The following NELFCD variants were observed in gnomAD, a reference collection of about 807,000 sequenced individuals.
The protein encoded by NELFCD is negative elongation factor complex member C/D.
A neutral mutation model predicts 72.9 loss-of-function variants in NELFCD; 48 were observed. The ratio of observed to expected loss-of-function variants is 0.66; its 90% CI spans 0.52 to 0.84. The LOEUF is 0.84. Ranked by LOEUF, NELFCD falls within the 40% of genes least tolerant of loss-of-function variation. The pLI is 0.00. For synonymous variants in NELFCD, 297 were observed against 280.6 expected (o/e 1.06, Z -0.59); for missense variants, 538 against 723.8 (o/e 0.74, Z 2.94).
At chr20:58,992,140 T>C in intron 10 of NELFCD, 120 bp downstream of exon 10, 1 of 1,142,372 alleles carries the variant, frequency 8.8e-7, no homozygotes, top group Non-Finnish European at 1.2e-6. Flanking sequence ...TATTTATTTT[T>C]TCATTTTTAA....
chr20:58,984,185 G>T (rs1309824313), intron 1 of NELFCD, among the ~76,000 whole-genome samples: 2 of 152,178 alleles, frequency 1.3e-5, no homozygotes, highest in African/African-American at 4.8e-5. Context: ...GCAAATAGAT[G>T]AGTCCTGCTA....
Position 58,994,098 on chromosome 20 carries a change from T to TC in NELFCD, c.1582-7dup. ...GTGTGCGGAAGAAGTCACCCTGTGC[T>TC]CCCCCACGCAGGTGCTGGACGTCAT... is the stretch of plus-strand genomic sequence containing the variant. On this transcript the variant is annotated splice_polypyrimidine_tract_variant and intron_variant, in intron 13 of 14. Transcript: ENST00000652272. 1 of 1,613,712 alleles carries TC rather than the reference T, an allele frequency of 6.2e-7. No individual in the cohort carries two copies. The highest frequency in any genetic ancestry group is 1.7e-4 in the Middle Eastern group (1 of 6,058).
At chr20:58,992,071 G>GT in intron 10 of NELFCD, 51 bp downstream of exon 10, 1 of 1,524,130 alleles carries the variant, frequency 6.6e-7, no homozygotes, top group Non-Finnish European at 8.8e-7. Flanking sequence ...GGAGGAGGTC[G>GT]TTTGAGTTTT....
At position 58,994,193 on chromosome 20, in the gene NELFCD, T is replaced by C; in HGVS notation, c.1665T>C (p.Gly555=). The C allele has an allele frequency of 2.0e-5, 32 of 1,614,152 alleles. No individual in the cohort carries two copies. The highest frequency in any genetic ancestry group is 2.7e-5 in the Non-Finnish European group (32 of 1,180,002). The change falls in exon 14 of 15, where the codon GGT becomes GGC. Residue 555 remains glycine (G), a synonymous_variant. Transcript: ENST00000652272. ...TCCTGGAGAATGACAGCATCGCAGG[T>C]ACCATCAAAACGGAAGGCGAGCATG... is the stretch of plus-strand genomic sequence containing the variant. The part of the protein sequence containing the change: ...LPILENDSIA[G]TIKTEGEHDP...
rs372815228 is a variant in NELFCD, at chr20:58,991,417, G to C, written c.1060G>C (p.Ala354Pro). Reference protein sequence around the residue: ...KHKYIHILAYAASVVETWKKN... With the variant: ...KHKYIHILAYPASVVETWKKN... ...CAAATACATCCACATCTTGGCGTAC[G>C]CAGCAAGCGTGGTTGAGACCTGGAA... is the stretch of plus-strand genomic sequence containing the variant. Residue 354 changes from alanine (A) to proline (P), a missense_variant, in exon 9 of 15, where the codon GCA (alanine) becomes CCA (proline). Physicochemically the swap from Ala to Pro is conservative, Grantham distance 27 (BLOSUM62 -1). Coordinates refer to ENST00000652272, the MANE Select transcript of NELFCD (RefSeq NM_198976.4). 6.2e-7 allele frequency: 1 copy of C among 1,614,122 alleles called. No homozygotes were observed. The highest frequency in any genetic ancestry group is 1.7e-5 in the Admixed American group (1 of 60,008).
chr20:58,983,706 G>C (rs578198448), intron 1 of NELFCD, among the ~76,000 whole-genome samples: 14 of 152,206 alleles, frequency 9.2e-5, no homozygotes, highest in Non-Finnish European at 1.8e-4. Flanking sequence ...GATTACAGGT[G>C]TGAGCTACCG....
chr20:58,982,437 C>T (rs2091742281), intron 1 of NELFCD, among the ~76,000 whole-genome samples: 1 of 152,232 alleles, frequency 6.6e-6, no homozygotes, highest in East Asian at 1.9e-4. Flanking sequence ...GGATTACAGG[C>T]GTGAGCCACT....
Position 58,986,328 on chromosome 20 carries a change from A to AGG in NELFCD, c.176+126_176+127dup, listed in dbSNP as rs112493941. ...AACGCGAACTGAACTAAAGGCTTCA[A>AGG]GGGGGGGTCCCCTCTGCCACTTTTT... On this transcript the variant is annotated intron_variant, in intron 2 of 14. Coordinates refer to ENST00000652272, the MANE Select transcript of NELFCD (RefSeq NM_198976.4). This position sits in a 1 kb window ranked among gnomAD's most constrained non-coding sequence, Gnocchi z 4.4. 2 of 664,122 alleles carry AGG rather than the reference A, an allele frequency of 3.0e-6. No individual in the cohort carries two copies. The highest frequency in any genetic ancestry group is 3.8e-5 in the South Asian group (2 of 52,504). 41.1% of individuals were successfully genotyped at this position (664,122 alleles called of 1,614,324 possible). A position where few individuals can be genotyped will look rare whatever the true frequency, so the allele number is the denominator to read the frequency against.
In NELFCD at chr20:58,986,793, G is replaced by A. The variant is rs1340723640; in HGVS notation, c.216G>A (p.Gln72=). ...QAGGSPENVI[Q]LLSENYTAVA... Reference sequence around the variant, plus strand: ...GAGGGTCTCCAGAGAATGTTATCCAGCTCTTATCTGAAAACTACACCGCTG... The same window carrying A: ...GAGGGTCTCCAGAGAATGTTATCCAACTCTTATCTGAAAACTACACCGCTG... The change falls in exon 3 of 15, where the codon CAG becomes CAA. Residue 72 remains glutamine (Q), a synonymous_variant. Transcript: ENST00000652272. This position sits in a 1 kb window ranked among gnomAD's most constrained non-coding sequence, Gnocchi z 4.4. The A allele has an allele frequency of 1.9e-6, 3 of 1,614,010 alleles. No homozygotes were observed. The highest frequency in any genetic ancestry group is 2.5e-6 in the Non-Finnish European group (3 of 1,179,940).
rs1465104601 is a variant in NELFCD at position 58,989,485 on chromosome 20, T to C, written c.505-3T>C. The C allele has an allele frequency of 1.2e-6, 2 of 1,613,428 alleles. No individual in the cohort carries two copies. The highest frequency in any genetic ancestry group is 1.3e-5 in the African/African-American group (1 of 74,922). ...CCCTCTGACTTCTTGTTTTGTGTCC[T>C]AGCTTATTTCTGACGCAGGGTACCA... On this transcript the variant is annotated splice_polypyrimidine_tract_variant and splice_region_variant and intron_variant, in intron 5 of 14. Transcript: ENST00000652272.
Position 58,994,090 on chromosome 20 carries a change from C to T in NELFCD, c.1582-20C>T. 5.0e-6 allele frequency: 8 copies of T among 1,613,466 alleles called. No homozygotes were observed. The highest frequency in any genetic ancestry group is 4.5e-5 in the East Asian group (2 of 44,864). On this transcript the variant is annotated intron_variant, in intron 13 of 14. Transcript: ENST00000652272. ...CCGCACTAGTGTGCGGAAGAAGTCACCCTGTGCTCCCCCACGCAGGTGCTG... is the reference window on the plus strand; with the variant it reads ...CCGCACTAGTGTGCGGAAGAAGTCATCCTGTGCTCCCCCACGCAGGTGCTG...
rs1290031689 is a variant in NELFCD at position 58,986,532 on chromosome 20, CAG to C, written c.177-221_177-220del. On this transcript the variant is annotated intron_variant, in intron 2 of 14. Coordinates refer to ENST00000652272, the MANE Select transcript of NELFCD (RefSeq NM_198976.4). This position sits in a 1 kb window ranked among gnomAD's most constrained non-coding sequence, Gnocchi z 4.4. ...TTTTGTTTTTGTTTTTTGGGAGAGA[CAG>C]GGCTCCTTACGTTGCCCTGGCTGCT... 3.5e-6 allele frequency: 2 copies of C among 568,094 alleles called. No homozygotes were observed. Among genetic ancestry groups the C allele is most frequent in the Non-Finnish European group, 6.2e-6 (2 of 324,188 alleles). 35.2% of individuals were successfully genotyped at this position (568,094 alleles called of 1,614,324 possible).
chr20:58,994,202 A>G lies in NELFCD; in HGVS notation c.1674A>G (p.Lys558=), dbSNP rs1273515441. ...ATGACAGCATCGCAGGTACCATCAA[A>G]ACGGAAGGCGAGCATGACCCTGTGA... ...LENDSIAGTI[K]TEGEHDPVTE... The change falls in exon 14 of 15, where the codon AAA becomes AAG. Residue 558 remains lysine (K), a synonymous_variant. Coordinates refer to ENST00000652272, the MANE Select transcript of NELFCD (RefSeq NM_198976.4). 6.2e-7 allele frequency: 1 copy of G among 1,614,116 alleles called. No homozygotes were observed. The highest frequency in any genetic ancestry group is 1.1e-5 in the South Asian group (1 of 91,084).
At chr20:58,987,858 G>C in intron 4 of NELFCD, 41 bp downstream of exon 4, 1 of 1,504,062 alleles carries the variant, frequency 6.6e-7, no homozygotes, top group Non-Finnish European at 9.2e-7. Context: ...AGGCCCTAGG[G>C]TCTTTTGCAA....
chr20:58,991,403 A>G lies in NELFCD; in HGVS notation c.1046A>G (p.His349Arg). The G allele has an allele frequency of 6.2e-7, 1 of 1,614,214 alleles. No homozygotes were observed. The highest frequency in any genetic ancestry group is 8.5e-7 in the Non-Finnish European group (1 of 1,180,034). ...INQDHKHKYI[H>R]ILAYAASVVE... ...CAGGACCACAAGCACAAATACATCCACATCTTGGCGTACGCAGCAAGCGTG... is the reference window on the plus strand; with the variant it reads ...CAGGACCACAAGCACAAATACATCCGCATCTTGGCGTACGCAGCAAGCGTG... Residue 349 changes from histidine (H) to arginine (R), a missense_variant, in exon 9 of 15, where the codon CAC (histidine) becomes CGC (arginine). Physicochemically the swap from His to Arg is conservative, Grantham distance 29 (BLOSUM62 0). This residue lies in a region of NELFCD where 355 missense variants were observed against 534.5 expected (regional missense o/e 0.66). Transcript: ENST00000652272.
intron 1 of NELFCD, among the ~76,000 whole-genome samples, chr20:58,981,709 G>C (rs2091734457): frequency 6.6e-6 from 1 of 151,868 alleles, no homozygotes; most frequent in Non-Finnish European, 1.5e-5. Context: ...CCCGCGGCGG[G>C]CGGGACACCA....
chr20:58,987,644 C>T (rs2091782101), intron 3 of NELFCD, 64 bp from the exon 4 acceptor site: 1 of 1,347,172 alleles, frequency 7.4e-7, no homozygotes, highest in Non-Finnish European at 1.1e-6. Context: ...TGACCATTTG[C>T]TTTCTAAAGC....
At chr20:58,981,531 G>A (rs1275301530) in intron 1 of NELFCD, among the ~76,000 whole-genome samples, 162 bp downstream of exon 1, 4 of 146,982 alleles carry the variant, frequency 2.7e-5, no homozygotes, top group South Asian at 2.1e-4. Context: ...AGCACAGCCC[G>A]CCCCGCCCCC....
chr20:58,991,132 T>C lies in NELFCD; in HGVS notation c.954+57T>C, dbSNP rs886637611. ...GCTGGTAAGGTGACTTTGGAAAGTCTGTGCTTGTCTGATTGTCTGAAGGCT... is the reference window on the plus strand; with the variant it reads ...GCTGGTAAGGTGACTTTGGAAAGTCCGTGCTTGTCTGATTGTCTGAAGGCT... On this transcript the variant is annotated intron_variant, in intron 8 of 14. Transcript: ENST00000652272. 12 of 1,586,482 alleles carry C rather than the reference T, an allele frequency of 7.6e-6. No homozygotes were observed. In the East Asian group the frequency reaches 1.8e-4, roughly 24 times the overall value.
Sources: gnomAD v4.1 joint callset for allele counts (sites outside exome capture counted in the v4.1 genomes callset) on GRCh38, gnomAD v4.1.1 for gene constraint, gnomAD v4.1.1 regional missense constraint, Gnocchi (gnomAD v3.1) non-coding constraint, MANE v1.5 for transcripts, NCBI Gene and HGNC (gene_info 2026-07-23, HGNC 2026-07-21) for gene names.